The following CACNA1E variants were observed in gnomAD, a reference collection of about 807,000 sequenced individuals.
CACNA1E encodes the protein calcium voltage-gated channel subunit alpha1 E, also known as voltage-dependent R-type calcium channel subunit alpha-1E.
CACNA1E carries 40 observed loss-of-function variants against 259.2 expected under a neutral mutation model. The ratio of observed to expected loss-of-function variants is 0.15; its 90% CI spans 0.12 to 0.20. The LOEUF is 0.20. Ranked by LOEUF, CACNA1E falls within the 10% of genes least tolerant of loss-of-function variation. The pLI is 1.00. For missense variants in CACNA1E, 1,874 were observed against 3,040.1 expected (o/e 0.62, Z 9.02); for synonymous variants, 1,104 against 1,138.5 (o/e 0.97, Z 0.61).
At chr1:181,452,371 GTTAA>G (rs757551130) in intron 2 of CACNA1E, among the ~76,000 whole-genome samples, 2 of 152,202 alleles carry the variant, frequency 1.3e-5, no homozygotes, top group Admixed American at 1.3e-4. Flanking sequence ...GACGTTAGAA[GTTAA>G]TTAATAAGTT....
At chr1:181,448,340 A>C (rs922086609) in intron 2 of CACNA1E, among the ~76,000 whole-genome samples, 1 of 152,192 alleles carries the variant, frequency 6.6e-6, no homozygotes, top group African/African-American at 2.4e-5. Context: ...GATAGATACT[A>C]TCCTTGTTTG....
At chr1:181,720,118 C>A (rs1423652836) in intron 13 of CACNA1E, 88 bp from the exon 14 acceptor site, 94 of 1,457,696 alleles carry the variant, frequency 6.4e-5, no homozygotes, top group Non-Finnish European at 7.7e-5. Context: ...CAGCTTATTT[C>A]ATAGACTACC....
At chr1:181,496,152 C>T (rs1558054490) in intron 1 of CACNA1E, among the ~76,000 whole-genome samples, 1 of 152,204 alleles carries the variant, frequency 6.6e-6, no homozygotes, top group Non-Finnish European at 1.5e-5. Context: ...AAAATATCTA[C>T]ATCAAAACCT....
intron 2 of CACNA1E, 93 bp downstream of exon 2, chr1:181,510,675 G>A (rs1666087880): frequency 1.2e-6 from 1 of 807,970 alleles, no homozygotes; most frequent in South Asian, 1.5e-5. Flanking sequence ...CTTCCTGCCT[G>A]TGAGTTCTGG....
intron 12 of CACNA1E, among the ~76,000 whole-genome samples, chr1:181,718,611 AACACACACACACACACACACACACAC>A (rs60522141): frequency 8.0e-5 from 10 of 124,312 alleles, no homozygotes; most frequent in African/African-American, 1.2e-4. Flanking sequence ...CCCTCATTCA[AACACACACACACACACACACACACAC>A]ACACACACAC....
Position 181,511,418 on chromosome 1 carries a change from G to A in CACNA1E, c.420G>A (p.Gly140=). The A allele has an allele frequency of 6.2e-7, 1 of 1,614,034 alleles. No homozygotes were observed. The highest frequency in any genetic ancestry group is 8.5e-7 in the Non-Finnish European group (1 of 1,179,900). ...TTGGGATCTTTTGCTTTGAAGCTGG[G>A]ATCAAAATTGTGGCCCTGGGGTTCA... is the stretch of plus-strand genomic sequence containing the variant. ...YFIGIFCFEA[G]IKIVALGFIF... The change falls in exon 3 of 48, where the codon GGG becomes GGA. Residue 140 remains glycine (G), a synonymous_variant. Transcript: ENST00000367573.
At chr1:181,496,685 G>A (rs978667789) in intron 1 of CACNA1E, among the ~76,000 whole-genome samples, 1 of 152,130 alleles carries the variant, frequency 6.6e-6, no homozygotes, top group Admixed American at 6.6e-5. Flanking sequence ...GATATTAGGG[G>A]CATTTTACCT....
intron 2 of CACNA1E, among the ~76,000 whole-genome samples, chr1:181,451,469 T>A (rs1261971183): frequency 6.6e-6 from 1 of 152,124 alleles, no homozygotes; most frequent in Non-Finnish European, 1.5e-5. Flanking sequence ...GTGGATCACC[T>A]AAGGTCAGGA....
chr1:181,472,732 C>T (rs561349873), intron 2 of CACNA1E, among the ~76,000 whole-genome samples: 7 of 152,122 alleles, frequency 4.6e-5, no homozygotes, highest in South Asian at 2.1e-4. Context: ...CGTGTGTGTG[C>T]GCGCGCACTT....
At chr1:181,321,241 C>T (rs144805642) in intron 1 of CACNA1E, among the ~76,000 whole-genome samples, 14 of 152,316 alleles carry the variant, frequency 9.2e-5, no homozygotes, top group African/African-American at 2.9e-4. Context: ...CACATTTCAG[C>T]ATGAGATTTG....
intron 1 of CACNA1E, among the ~76,000 whole-genome samples, chr1:181,509,539 G>A (rs1199776606): frequency 6.6e-6 from 1 of 152,184 alleles, no homozygotes; most frequent in African/African-American, 2.4e-5. Flanking sequence ...TGTCGTAACA[G>A]TAATCACAGA....
chr1:181,389,409 T>G (rs547566742), intron 1 of CACNA1E, among the ~76,000 whole-genome samples: 1 of 152,306 alleles, frequency 6.6e-6, no homozygotes, highest in East Asian at 1.9e-4. Flanking sequence ...GACTAATTTT[T>G]TCACACCCTG....
intron 35 of CACNA1E, among the ~76,000 whole-genome samples, chr1:181,770,431 G>A (rs1056403400): frequency 3.9e-5 from 6 of 152,182 alleles, no homozygotes; most frequent in African/African-American, 1.4e-4. Flanking sequence ...AGATCTCTGA[G>A]TGTTCCCTCT....
In CACNA1E at chr1:181,680,592, C is replaced by T. The variant is rs555287165; in HGVS notation, c.1055+29151C>T. On this transcript the variant is annotated intron_variant, in intron 7 of 47. Coordinates refer to ENST00000367573, the MANE Select transcript of CACNA1E (RefSeq NM_001205293.3). ...TTCTCACACGCCCTGCCTCCGGAAA[C>T]GAAGAGCCAAAAAGGGAAAACCTCC... 9.1e-4 allele frequency among the ~76,000 whole-genome samples: 139 copies of T among 152,164 alleles called. 1 individual carries two copies. The highest frequency in any genetic ancestry group is 1.0e-3 in the Non-Finnish European group (68 of 68,028).
intron 18 of CACNA1E, among the ~76,000 whole-genome samples, chr1:181,728,637 ATTGC>A (rs1655144114): frequency 6.6e-6 from 1 of 151,138 alleles, no homozygotes; most frequent in African/African-American, 2.4e-5. Flanking sequence ...GTGTGTCTAC[ATTGC>A]TTAGGTGTGT....
intron 1 of CACNA1E, among the ~76,000 whole-genome samples, chr1:181,358,448 T>C (rs530466450): frequency 1.1e-4 from 16 of 152,294 alleles, no homozygotes; most frequent in African/African-American, 3.6e-4. Context: ...TTTTAAAGAG[T>C]ATTTGGTGAA....
At chr1:181,528,661 G>C (rs775522091) in intron 3 of CACNA1E, among the ~76,000 whole-genome samples, 1 of 152,220 alleles carries the variant, frequency 6.6e-6, no homozygotes, top group Non-Finnish European at 1.5e-5. Flanking sequence ...TGAGGAACTT[G>C]TTGGGAACTG....
intron 8 of CACNA1E, among the ~76,000 whole-genome samples, chr1:181,713,164 C>A: frequency 6.6e-6 from 1 of 152,242 alleles, no homozygotes; most frequent in East Asian, 1.9e-4. Flanking sequence ...AATCCAGAGC[C>A]CTTGAGTGCT....
At position 181,727,417 on chromosome 1, in the gene CACNA1E, A is replaced by G. The variant is rs145972338; in HGVS notation, c.2240+1255A>G. On this transcript the variant is annotated intron_variant, in intron 18 of 47. Coordinates refer to ENST00000367573, the MANE Select transcript of CACNA1E (RefSeq NM_001205293.3). ...AAATCACATACAATGAGGAACAGAA[A>G]AGGGACCACTGCATATGGCAAAATG... 3.5e-3 allele frequency among the ~76,000 whole-genome samples: 526 copies of G among 152,340 alleles called. 3 individuals are homozygous for G. Among genetic ancestry groups the G allele is most frequent in the African/African-American group, 0.012 (499 of 41,570 alleles).
Sources: allele counts gnomAD v4.1 joint callset (sites outside exome capture counted in the v4.1 genomes callset), GRCh38; gene constraint gnomAD v4.1.1; transcripts MANE v1.5; gene names NCBI Gene and HGNC (gene_info 2026-07-23, HGNC 2026-07-21).